Variants in RELL1 observed in about 807,000 individuals in gnomAD.
RELL1 encodes the protein RELT-like protein 1.
Under a neutral mutation model 23.0 loss-of-function variants are expected in RELL1, and 10 were observed. The ratio of observed to expected loss-of-function variants is 0.43; its 90% confidence interval spans 0.27 to 0.74. The LOEUF (loss-of-function observed/expected upper bound fraction) is 0.74, where lower values mean the gene tolerates loss of function less well. Among genes scored for constraint, RELL1 ranks in the 30% least tolerant of loss-of-function variants. RELL1 has a pLI of 0.19. For missense variants in RELL1, 315 were observed against 364.4 expected (o/e 0.86, Z 1.10); for synonymous variants, 146 against 146.8 (o/e 0.99, Z 0.04).
chr4:37,668,478 G>A (rs1002594589), intron 1 of RELL1, among the ~76,000 whole-genome samples: 16 of 152,012 alleles, frequency 1.1e-4, no homozygotes, highest in South Asian at 2.1e-4. Context: ...TCGGCCTCCC[G>A]AGGTGCCGGG....
chr4:37,677,512 T>G (rs1577611259), intron 1 of RELL1, among the ~76,000 whole-genome samples: 2 of 152,316 alleles, frequency 1.3e-5, no homozygotes, highest in East Asian at 3.9e-4. Flanking sequence ...AAGCATGTCA[T>G]CATCAAATCT....
chr4:37,649,203 A>G, intron 2 of RELL1, 73 bp downstream of exon 2: 1 of 1,192,244 alleles, frequency 8.4e-7, no homozygotes, highest in Non-Finnish European at 1.2e-6. Context: ...AGAGAGATGG[A>G]AAGCATATAT....
At chr4:37,671,488 C>G (rs1311593321) in intron 1 of RELL1, among the ~76,000 whole-genome samples, 1 of 152,180 alleles carries the variant, frequency 6.6e-6, no homozygotes, top group Admixed American at 6.5e-5. Context: ...ATCCTTACTG[C>G]TCATTATATG....
intron 1 of RELL1, among the ~76,000 whole-genome samples, chr4:37,670,152 A>AT (rs1721782103): frequency 6.6e-6 from 1 of 150,658 alleles, no homozygotes; most frequent in Admixed American, 6.6e-5. Flanking sequence ...ACTCTGGGGC[A>AT]TTTTTTTCTC....
At chr4:37,663,402 G>C (rs905198555) in intron 1 of RELL1, among the ~76,000 whole-genome samples, 5 of 152,230 alleles carry the variant, frequency 3.3e-5, no homozygotes, top group Non-Finnish European at 7.3e-5. Context: ...GAATTCTGAA[G>C]AAGTCATTTG....
At chr4:37,670,491 T>C (rs1373918060) in intron 1 of RELL1, among the ~76,000 whole-genome samples, 1 of 152,180 alleles carries the variant, frequency 6.6e-6, no homozygotes, top group Non-Finnish European at 1.5e-5. Context: ...TAGTATAACT[T>C]CTACTTTATT....
chr4:37,615,024 G>A (rs1719530573), intron 6 of RELL1, among the ~76,000 whole-genome samples: 1 of 152,104 alleles, frequency 6.6e-6, no homozygotes, highest in Non-Finnish European at 1.5e-5. Flanking sequence ...ACTCCCAGCC[G>A]TGGAACCGTG....
chr4:37,634,201 T>C (rs1399351054), intron 5 of RELL1, among the ~76,000 whole-genome samples: 1 of 152,232 alleles, frequency 6.6e-6, no homozygotes, highest in East Asian at 1.9e-4. Flanking sequence ...TGAAAGGTAC[T>C]AGGACCAAGA....
intron 4 of RELL1, among the ~76,000 whole-genome samples, chr4:37,635,899 A>C (rs1263221892): frequency 2.6e-5 from 4 of 152,268 alleles, no homozygotes; most frequent in Non-Finnish European, 4.4e-5. Context: ...ACATTTGATC[A>C]AATCTCCATT....
At chr4:37,670,136 G>A (rs1577606061) in intron 1 of RELL1, among the ~76,000 whole-genome samples, 1 of 148,438 alleles carries the variant, frequency 6.7e-6, no homozygotes, top group South Asian at 2.1e-4. Context: ...ATGTTTTCTT[G>A]CTGGAACTCT....
At chr4:37,618,884 TTTC>T (rs1728227377) in intron 6 of RELL1, among the ~76,000 whole-genome samples, 1 of 152,038 alleles carries the variant, frequency 6.6e-6, no homozygotes, top group Non-Finnish European at 1.5e-5. Flanking sequence ...TTTCTTTTCT[TTTC>T]TTTTCTTTTG....
intron 6 of RELL1, among the ~76,000 whole-genome samples, chr4:37,618,780 G>A (rs1172897365): frequency 6.6e-6 from 1 of 152,196 alleles, no homozygotes; most frequent in African/African-American, 2.4e-5. Context: ...CCACCACAAA[G>A]GTCTAGACCA....
intron 1 of RELL1, among the ~76,000 whole-genome samples, chr4:37,676,534 C>T (rs1560360846): frequency 6.6e-6 from 1 of 152,134 alleles, no homozygotes; most frequent in African/African-American, 2.4e-5. Context: ...AAAATGCTAC[C>T]AATGTCACAC....
intron 3 of RELL1, among the ~76,000 whole-genome samples, chr4:37,644,662 G>T (rs55872624): frequency 6.6e-6 from 1 of 151,440 alleles, no homozygotes; most frequent in Non-Finnish European, 1.5e-5. Context: ...GTTTCACCAC[G>T]TTGGCCAGGC....
chr4:37,674,827 A>C (rs1373176116), intron 1 of RELL1, among the ~76,000 whole-genome samples: 1 of 152,224 alleles, frequency 6.6e-6, no homozygotes, highest in Non-Finnish European at 1.5e-5. Context: ...ATGGGGAAGG[A>C]AGGCTTGGCA....
chr4:37,605,848 A>AAAGAAAG (rs1435263321), downstream of RELL1, among the ~76,000 whole-genome samples: 1,046 of 107,248 alleles, frequency 9.8e-3, 35 homozygotes, highest in Non-Finnish European at 0.016. Flanking sequence ...AGAAAGAAGG[A>AAAGAAAG]AAAGAAAAGA....
chr4:37,674,867 A>G (rs1721968781), intron 1 of RELL1, among the ~76,000 whole-genome samples: 1 of 152,218 alleles, frequency 6.6e-6, no homozygotes, highest in Non-Finnish European at 1.5e-5. Context: ...AATTCTTTTT[A>G]GTTAGTTTTT....
At chr4:37,650,314 T>C (rs747515903) in intron 1 of RELL1, among the ~76,000 whole-genome samples, 2 of 152,092 alleles carry the variant, frequency 1.3e-5, no homozygotes, top group African/African-American at 2.4e-5. Flanking sequence ...GGTGCAAACA[T>C]AAAAATGGAA....
chr4:37,681,473 G>A (rs996621869), intron 1 of RELL1, among the ~76,000 whole-genome samples: 1 of 150,336 alleles, frequency 6.7e-6, no homozygotes, highest in Admixed American at 6.6e-5. Flanking sequence ...GTGAGGAAAT[G>A]GAGGTGGACA....
Sources: allele counts gnomAD v4.1 joint callset (sites outside exome capture counted in the v4.1 genomes callset), GRCh38; gene constraint gnomAD v4.1.1; transcripts MANE v1.5; gene names NCBI Gene and HGNC (gene_info 2026-07-23, HGNC 2026-07-21).